GPC6: variants seen among roughly 807,000 people sequenced by gnomAD.
GPC6 encodes glypican-6.
Under a neutral mutation model 55.2 loss-of-function variants are expected in GPC6, and 14 were observed. That is an observed-to-expected ratio of 0.25 (90% CI 0.17 to 0.40). GPC6 has a LOEUF of 0.40. Ranked by LOEUF, GPC6 falls within the 10% of genes least tolerant of loss-of-function variation. The pLI, the probability that GPC6 is intolerant of heterozygous loss-of-function variation, is 1.00. For missense variants in GPC6, 641 were observed against 708.5 expected (o/e 0.90, Z 1.08); for synonymous variants, 278 against 259.6 (o/e 1.07, Z -0.68).
At chr13:93,981,177 G>C (rs1463963022) in intron 3 of GPC6, among the ~76,000 whole-genome samples, 1 of 152,102 alleles carries the variant, frequency 6.6e-6, no homozygotes, top group African/African-American at 2.4e-5. Context: ...GTTGATCACT[G>C]ATTTCAGAGC....
intron 2 of GPC6, among the ~76,000 whole-genome samples, chr13:93,672,863 C>A (rs978685595): frequency 1.1e-4 from 16 of 151,886 alleles, no homozygotes; most frequent in Non-Finnish European, 2.4e-4. Flanking sequence ...GAAACATTGA[C>A]CCCCAAAATA....
chr13:93,641,671 G>A (rs1213337026), intron 2 of GPC6, among the ~76,000 whole-genome samples: 1 of 152,032 alleles, frequency 6.6e-6, no homozygotes, highest in Non-Finnish European at 1.5e-5. Context: ...ATTGAATCAA[G>A]TCCCATGGGA....
intron 2 of GPC6, among the ~76,000 whole-genome samples, chr13:93,634,122 G>C (rs1051338692): frequency 6.6e-6 from 1 of 152,124 alleles, no homozygotes; most frequent in Non-Finnish European, 1.5e-5. Context: ...GAAAACTGCT[G>C]TCCTGTTTTA....
At chr13:93,590,008 A>G (rs1392559462) in intron 2 of GPC6, among the ~76,000 whole-genome samples, 1 of 152,228 alleles carries the variant, frequency 6.6e-6, no homozygotes, top group Non-Finnish European at 1.5e-5. Context: ...CTCAGACTGT[A>G]CATATTAGCC....
At chr13:93,996,872 G>T (rs1396333835) in intron 3 of GPC6, among the ~76,000 whole-genome samples, 1 of 152,152 alleles carries the variant, frequency 6.6e-6, no homozygotes, top group Non-Finnish European at 1.5e-5. Flanking sequence ...TGGGATTATA[G>T]GACATCTAAA....
rs546195929 is a variant in GPC6 at position 94,372,495 on chromosome 13, A to G, written c.1153-9919A>G. The stretch of plus-strand genomic sequence containing the variant: ...CGGGTCACTCCCACCCGAATACTGC[A>G]CTTTTCCGACGGGCTTAAAAAACGG... On this transcript the variant is annotated intron_variant, in intron 6 of 8. Coordinates refer to ENST00000377047, the MANE Select transcript of GPC6 (RefSeq NM_005708.5). Among the ~76,000 whole-genome samples the G allele has an allele frequency of 8.7e-5, 13 of 149,544 alleles. No individual in the cohort carries two copies. The East Asian group carries it at 1.2e-3, about 14-fold the overall frequency.
At chr13:93,691,397 T>TA (rs946668350) in intron 2 of GPC6, among the ~76,000 whole-genome samples, 132 of 113,978 alleles carry the variant, frequency 1.2e-3, no homozygotes, top group African/African-American at 5.7e-3. Flanking sequence ...TTCCTATATA[T>TA]TTTTTTTAAA....
intron 3 of GPC6, among the ~76,000 whole-genome samples, chr13:93,903,820 CAGAACAAGTTCA>C (rs1327963529): frequency 3.9e-5 from 6 of 152,112 alleles, no homozygotes; most frequent in Admixed American, 2.6e-4. Context: ...ACTCATCTTT[CAGAACAAGTTCA>C]TTTCCCACAT....
chr13:93,611,151 C>T (rs1878445803), intron 2 of GPC6, among the ~76,000 whole-genome samples: 1 of 152,100 alleles, frequency 6.6e-6, no homozygotes, highest in African/African-American at 2.4e-5. Flanking sequence ...AGAAATTACT[C>T]ACTCGAGTAC....
chr13:94,290,653 G>A (rs1294064310), intron 5 of GPC6, among the ~76,000 whole-genome samples: 1 of 151,768 alleles, frequency 6.6e-6, no homozygotes, highest in East Asian at 1.9e-4. Flanking sequence ...CATTTTTTGT[G>A]GTGAGAACAC....
At chr13:93,671,356 G>A (rs1032334444) in intron 2 of GPC6, among the ~76,000 whole-genome samples, 18 of 151,482 alleles carry the variant, frequency 1.2e-4, no homozygotes, top group African/African-American at 3.2e-4. Context: ...AATTCTAAGC[G>A]TGGAATACCA....
intron 4 of GPC6, among the ~76,000 whole-genome samples, chr13:94,249,104 G>T (rs550207387): frequency 6.6e-6 from 1 of 152,098 alleles, no homozygotes; most frequent in East Asian, 1.9e-4. Flanking sequence ...TAAGGCCAAA[G>T]CTTTAGGGAA....
chr13:93,941,556 A>G (rs1878738187), intron 3 of GPC6, among the ~76,000 whole-genome samples: 1 of 152,144 alleles, frequency 6.6e-6, no homozygotes, highest in South Asian at 2.1e-4. Flanking sequence ...AGTAGATTTT[A>G]TTTATATTTT....
chr13:93,240,823 G>C (rs1221615481), intron 1 of GPC6, among the ~76,000 whole-genome samples: 1 of 152,072 alleles, frequency 6.6e-6, no homozygotes, highest in Admixed American at 6.5e-5. Context: ...ATTTCTTATA[G>C]GTCCAGTCTA....
chr13:94,098,724 T>C (rs897678958), intron 4 of GPC6, among the ~76,000 whole-genome samples: 4 of 152,184 alleles, frequency 2.6e-5, no homozygotes, highest in Admixed American at 2.0e-4. Flanking sequence ...TATGCTGTAG[T>C]CTGATTTCCT....
At chr13:93,817,534 C>G (rs1445243954) in intron 2 of GPC6, among the ~76,000 whole-genome samples, 2 of 152,026 alleles carry the variant, frequency 1.3e-5, no homozygotes, top group East Asian at 3.9e-4. Flanking sequence ...TAATAAATAT[C>G]AAAGAAGTTA....
intron 4 of GPC6, among the ~76,000 whole-genome samples, chr13:94,250,828 T>C (rs887776096): frequency 2.6e-5 from 4 of 152,290 alleles, no homozygotes; most frequent in African/African-American, 9.6e-5. Flanking sequence ...ATTATACTGC[T>C]GGCTTGACTT....
chr13:93,840,258 G>A (rs961988783), intron 3 of GPC6, among the ~76,000 whole-genome samples: 3 of 152,144 alleles, frequency 2.0e-5, no homozygotes, highest in African/African-American at 7.2e-5. Context: ...AATGAAACAG[G>A]AGATGTTACA....
chr13:93,499,702 C>A (rs1880451652), intron 1 of GPC6, among the ~76,000 whole-genome samples: 1 of 152,152 alleles, frequency 6.6e-6, no homozygotes, highest in Non-Finnish European at 1.5e-5. Context: ...TGATTTCTGG[C>A]ACTTCCTTGC....
Sources: gnomAD v4.1 joint callset for allele counts (sites outside exome capture counted in the v4.1 genomes callset) on GRCh38, gnomAD v4.1.1 for gene constraint, MANE v1.5 for transcripts, NCBI Gene and HGNC (gene_info 2026-07-23, HGNC 2026-07-21) for gene names.